DEPTOR: variants seen among roughly 807,000 people sequenced by gnomAD.
DEPTOR encodes DEP domain-containing mTOR-interacting protein.
In DEPTOR, 41 loss-of-function variants were observed where a neutral mutation model predicts 41.6. The ratio of observed to expected loss-of-function variants is 0.98; its 90% CI spans 0.77 to 1.28. The LOEUF is 1.28. Among genes scored for constraint, DEPTOR ranks in the 50% most tolerant of loss-of-function variants. The probability of loss-of-function intolerance (pLI) is 0.00; values close to 1 mark genes in which losing one functional copy is unlikely to be tolerated. For missense variants in DEPTOR, 514 were observed against 527.9 expected (o/e 0.97, Z 0.26); for synonymous variants, 195 against 192.3 (o/e 1.01, Z -0.12).
chr8:119,945,443 C>T (rs1828258947), intron 3 of DEPTOR, among the ~76,000 whole-genome samples: 1 of 152,114 alleles, frequency 6.6e-6, no homozygotes, highest in African/African-American at 2.4e-5. Context: ...CCTTCCTACA[C>T]CTCTAAGAAG....
Position 119,928,593 on chromosome 8 carries a change from G to A in DEPTOR, c.301+15G>A, listed in dbSNP as rs370834328. On this transcript the variant is annotated intron_variant, in intron 2 of 8. Transcript: ENST00000286234. ...TATTCACCATGGTGAGTGCGGTGGCGAGTCAAGGTGACTTGAGAGAAATGG... is the reference window on the plus strand; with the variant it reads ...TATTCACCATGGTGAGTGCGGTGGCAAGTCAAGGTGACTTGAGAGAAATGG... The A allele has an allele frequency of 1.6e-5, 26 of 1,607,642 alleles. No homozygotes were observed. The highest frequency in any genetic ancestry group is 2.1e-5 in the Non-Finnish European group (25 of 1,177,040).
Position 119,973,394 on chromosome 8 carries a change from C to T in DEPTOR, c.604+7984C>T, listed in dbSNP as rs189681916. ...GACTACAAGTGCTCACCACCACACC[C>T]GGCTAATTTTTTAATTTTTCATAGA... is the stretch of plus-strand genomic sequence containing the variant. On this transcript the variant is annotated intron_variant, in intron 4 of 8. Transcript: ENST00000286234. Among the ~76,000 whole-genome samples the T allele has an allele frequency of 4.6e-5, 7 of 152,224 alleles. No homozygotes were observed. In the East Asian group the frequency reaches 5.8e-4, roughly 13 times the overall value.
chr8:119,959,755 T>G (rs1828466346), intron 3 of DEPTOR, among the ~76,000 whole-genome samples: 1 of 152,080 alleles, frequency 6.6e-6, no homozygotes, highest in Middle Eastern at 3.4e-3. Context: ...GGTCTTAAAC[T>G]CATGACCTCA....
At chr8:119,970,408 C>T (rs1828616906) in intron 4 of DEPTOR, among the ~76,000 whole-genome samples, 1 of 152,144 alleles carries the variant, frequency 6.6e-6, no homozygotes, top group African/African-American at 2.4e-5. Context: ...AGTTCCAGAG[C>T]TACCCTGTAG....
Position 119,908,714 on chromosome 8 carries a change from T to C in DEPTOR, c.123-19686T>C, listed in dbSNP as rs76289781. Among the ~76,000 whole-genome samples, 6 of 152,142 alleles carry C rather than the reference T, an allele frequency of 3.9e-5. No homozygotes were observed. In the East Asian group the frequency reaches 1.2e-3, roughly 29 times the overall value. On this transcript the variant is annotated intron_variant, in intron 1 of 8. Transcript: ENST00000286234. ...TGGGGTTTCACCATGTTGGCCAGGC[T>C]GCTTGCAGCTCTTTTCTTAAAACAA...
intron 3 of DEPTOR, among the ~76,000 whole-genome samples, chr8:119,932,920 A>G (rs1340486513): frequency 1.3e-5 from 2 of 152,160 alleles, no homozygotes; most frequent in East Asian, 1.9e-4. Flanking sequence ...AATGTGCTGG[A>G]CATATTTAAG....
intron 8 of DEPTOR, among the ~76,000 whole-genome samples, chr8:120,047,346 A>G (rs1813167247): frequency 6.6e-6 from 1 of 150,700 alleles, no homozygotes; most frequent in Non-Finnish European, 1.5e-5. Flanking sequence ...TTATGCAAAG[A>G]TTTTCCAAAT....
chr8:120,023,537 T>C (rs989457206), intron 8 of DEPTOR, among the ~76,000 whole-genome samples: 3 of 152,132 alleles, frequency 2.0e-5, no homozygotes, highest in African/African-American at 7.2e-5. Flanking sequence ...TCCATAGCAG[T>C]GACCAACCCA....
At chr8:119,902,567 G>A (rs1827608818) in intron 1 of DEPTOR, among the ~76,000 whole-genome samples, 1 of 152,138 alleles carries the variant, frequency 6.6e-6, no homozygotes, top group Non-Finnish European at 1.5e-5. Context: ...TCAAACTCCT[G>A]ACCTCAGGTG....
chr8:120,008,969 A>G (rs1240078109), intron 7 of DEPTOR, 60 bp from the exon 8 acceptor site: 1 of 1,541,404 alleles, frequency 6.5e-7, no homozygotes, highest in Non-Finnish European at 8.9e-7. Flanking sequence ...TCTCCCTCAG[A>G]AGAATAAGCA....
At chr8:120,033,262 T>G (rs1276878846) in intron 8 of DEPTOR, among the ~76,000 whole-genome samples, 1 of 152,060 alleles carries the variant, frequency 6.6e-6, no homozygotes, top group Non-Finnish European at 1.5e-5. Context: ...TAATTTTGTA[T>G]TTTTAGTAGA....
intron 2 of DEPTOR, 52 bp downstream of exon 2, chr8:119,928,630 C>T: frequency 6.3e-7 from 1 of 1,582,626 alleles, no homozygotes; most frequent in Non-Finnish European, 8.6e-7. Flanking sequence ...AGGACTAGAT[C>T]TTTTCATGAA....
In DEPTOR at chr8:119,895,426, A is replaced by C. The variant is rs144272315; in HGVS notation, c.122+21458A>C. On this transcript the variant is annotated intron_variant, in intron 1 of 8. Coordinates refer to ENST00000286234, the MANE Select transcript of DEPTOR (RefSeq NM_022783.4). Reference sequence around the variant, plus strand: ...AAAGGATCAGCAAGAAGGGACGTGCAGTCCTCTGTCCTCTTACTATCCTAC... The same window carrying C: ...AAAGGATCAGCAAGAAGGGACGTGCCGTCCTCTGTCCTCTTACTATCCTAC... Among the ~76,000 whole-genome samples, 390 of 152,370 alleles carry C rather than the reference A, an allele frequency of 2.6e-3. 3 individuals carry two copies. The highest frequency in any genetic ancestry group is 4.1e-3 in the Non-Finnish European group (282 of 68,028).
chr8:119,897,699 G>T (rs1586604290), intron 1 of DEPTOR, among the ~76,000 whole-genome samples: 1 of 152,174 alleles, frequency 6.6e-6, no homozygotes, highest in African/African-American at 2.4e-5. Flanking sequence ...TTTCACACAA[G>T]ACCTTGAGAT....
chr8:119,976,167 CT>C (rs1828694909), intron 4 of DEPTOR, among the ~76,000 whole-genome samples: 1 of 151,950 alleles, frequency 6.6e-6, no homozygotes, highest in Non-Finnish European at 1.5e-5. Context: ...CAGCCCCCTA[CT>C]CATGCTCTCT....
In DEPTOR at chr8:120,049,676, T is replaced by G; in HGVS notation, c.1202T>G (p.Met401Arg). The G allele has an allele frequency of 6.2e-7, 1 of 1,613,986 alleles. No homozygotes were observed. The highest frequency in any genetic ancestry group is 8.5e-7 in the Non-Finnish European group (1 of 1,179,906). ...CTGACGGGCCCACGGACGATTGTCA[T>G]GGAAGTCATGGAGGAGTTAGAGTGC... is the stretch of plus-strand genomic sequence containing the variant. ...LILTGPRTIV[M>R]EVMEELEC The change falls in exon 9 of 9, where the codon ATG (methionine) becomes AGG (arginine). Residue 401 changes from methionine (M) to arginine (R), a missense_variant. Transcript: ENST00000286234.
chr8:119,927,611 TA>T (rs1200705941), intron 1 of DEPTOR, among the ~76,000 whole-genome samples: 1 of 147,270 alleles, frequency 6.8e-6, no homozygotes, highest in Non-Finnish European at 1.5e-5. Context: ...TAAATATATA[TA>T]TTATATATAT....
chr8:119,892,549 T>G (rs1480566133), intron 1 of DEPTOR, among the ~76,000 whole-genome samples: 1 of 152,208 alleles, frequency 6.6e-6, no homozygotes, highest in Non-Finnish European at 1.5e-5. Flanking sequence ...GCAGCAAACC[T>G]TTTGTACTCA....
At chr8:119,976,898 C>A (rs1828702242) in intron 4 of DEPTOR, among the ~76,000 whole-genome samples, 1 of 152,166 alleles carries the variant, frequency 6.6e-6, no homozygotes, top group Admixed American at 6.5e-5. Context: ...AGCCCTGTTT[C>A]CACAGGAAAA....
Sources: allele counts gnomAD v4.1 joint callset (sites outside exome capture counted in the v4.1 genomes callset), GRCh38; gene constraint gnomAD v4.1.1; transcripts MANE v1.5; gene names NCBI Gene and HGNC (gene_info 2026-07-23, HGNC 2026-07-21).